Variants in FRMD4A observed in about 807,000 individuals in gnomAD.
The protein encoded by FRMD4A is FERM domain containing 4A, also known as FERM domain-containing protein 4A.
Under a neutral mutation model 129.1 loss-of-function variants are expected in FRMD4A, and 29 were observed. The observed-to-expected ratio is 0.22, with a 90% CI of 0.17 to 0.31. The LOEUF is 0.31. Ranked by LOEUF, FRMD4A falls within the 10% of genes least tolerant of loss-of-function variation. FRMD4A has a pLI of 1.00. For synonymous variants in FRMD4A, 634 were observed against 571.6 expected (o/e 1.11, Z -1.56); for missense variants, 1,272 against 1,375.8 (o/e 0.92, Z 1.19).
rs114340177 is a variant in FRMD4A at position 13,947,721 on chromosome 10, A to C, written c.46-88809T>G. The stretch of plus-strand genomic sequence containing the variant: ...GTTTAATCTGTGCTTCTCCTCCTGC[A>C]TGTCTTGGTAAAGAACATAGATCCT... On this transcript the variant is annotated intron_variant, in intron 2 of 24. Transcript: ENST00000357447. 7.0e-3 allele frequency among the ~76,000 whole-genome samples: 1,069 copies of C among 152,218 alleles called. 14 individuals are homozygous for C. Among genetic ancestry groups the C allele is most frequent in the African/African-American group, 0.024 (999 of 41,530 alleles).
At chr10:13,792,453 A>G (rs1412176903) in intron 5 of FRMD4A, among the ~76,000 whole-genome samples, 1 of 152,148 alleles carries the variant, frequency 6.6e-6, no homozygotes, top group Non-Finnish European at 1.5e-5. Flanking sequence ...GACAGCATGC[A>G]GTAGGGGAGG....
At chr10:13,943,211 A>G (rs746182926) in intron 2 of FRMD4A, among the ~76,000 whole-genome samples, 5 of 152,214 alleles carry the variant, frequency 3.3e-5, no homozygotes, top group Non-Finnish European at 5.9e-5. Flanking sequence ...CTAGGTGGAC[A>G]TCTCCTATTC....
intron 2 of FRMD4A, chr10:13,971,831 G>T (rs1417673040): frequency 5.4e-6 from 7 of 1,303,838 alleles, no homozygotes; most frequent in Non-Finnish European, 7.1e-6. Context: ...CAACCCTCTG[G>T]TCCCTGGCCC....
intron 14 of FRMD4A, among the ~76,000 whole-genome samples, chr10:13,700,821 T>C (rs1035268884): frequency 7.0e-4 from 2 of 2,856 alleles, no homozygotes; most frequent in East Asian, 0.017. Context: ...GGGTAGTTGC[T>C]TTTTTTTTTT....
At chr10:14,115,285 C>T (rs1838141648) in intron 2 of FRMD4A, among the ~76,000 whole-genome samples, 3 of 152,252 alleles carry the variant, frequency 2.0e-5, no homozygotes, top group Admixed American at 2.0e-4. Flanking sequence ...GCAAATCTGG[C>T]TATTCCTTGA....
At chr10:13,935,312 C>T (rs1317890021) in intron 2 of FRMD4A, among the ~76,000 whole-genome samples, 2 of 151,904 alleles carry the variant, frequency 1.3e-5, no homozygotes, top group African/African-American at 4.8e-5. Flanking sequence ...GTGGTGCACA[C>T]CTGCAATCCC....
At chr10:14,166,355 C>G (rs1841176005) in intron 2 of FRMD4A, among the ~76,000 whole-genome samples, 1 of 151,906 alleles carries the variant, frequency 6.6e-6, no homozygotes, top group Non-Finnish European at 1.5e-5. Context: ...CATAATGATA[C>G]AAGAAACTAA....
intron 2 of FRMD4A, among the ~76,000 whole-genome samples, chr10:13,958,369 C>T (rs1420623820): frequency 3.3e-5 from 5 of 149,906 alleles, no homozygotes; most frequent in Admixed American, 6.7e-5. Flanking sequence ...CTGCAAGCTC[C>T]GCCTCCCGGG....
chr10:13,928,716 G>T (rs541813570), intron 2 of FRMD4A, among the ~76,000 whole-genome samples: 31 of 152,304 alleles, frequency 2.0e-4, no homozygotes, highest in Admixed American at 1.9e-3. Flanking sequence ...GGCAGGAGAG[G>T]AGATACTGCT....
rs372420987 is a variant in FRMD4A, at chr10:14,110,125, T to TTAAAAAAAAAAAAAA, written c.45+219932_45+219933insTTTTTTTTTTTTTTA. ...GGCTGGGCAACAAAGCGAGATGCTG[T>TTAAAAAAAAAAAAAA]AAAAAAAAAAAAAAAAAAAAAAGCT... is the stretch of plus-strand genomic sequence containing the variant. On this transcript the variant is annotated intron_variant, in intron 2 of 24. Transcript: ENST00000357447. Among the ~76,000 whole-genome samples the TTAAAAAAAAAAAAAA allele has an allele frequency of 2.2e-3, 200 of 89,530 alleles. 60 individuals are homozygous for TTAAAAAAAAAAAAAA. Among genetic ancestry groups the TTAAAAAAAAAAAAAA allele is most frequent in the African/African-American group, 6.0e-3 (130 of 21,508 alleles). 58.7% of individuals were successfully genotyped at this position (89,530 alleles called of 152,430 possible).
chr10:14,324,905 C>T (rs1843209577), intron 2 of FRMD4A, among the ~76,000 whole-genome samples: 2 of 152,234 alleles, frequency 1.3e-5, no homozygotes, highest in Admixed American at 6.5e-5. Context: ...AGGTGATCTG[C>T]CTGCCTCAGC....
intron 2 of FRMD4A, among the ~76,000 whole-genome samples, chr10:13,935,275 T>TA (rs1203465116): frequency 1.3e-5 from 2 of 151,578 alleles, no homozygotes; most frequent in East Asian, 3.9e-4. Flanking sequence ...CTGTCTCTAC[T>TA]AAAAATACAA....
intron 2 of FRMD4A, among the ~76,000 whole-genome samples, chr10:13,900,001 A>G (rs1212205764): frequency 1.3e-5 from 2 of 152,116 alleles, no homozygotes; most frequent in Non-Finnish European, 2.9e-5. Flanking sequence ...TTCCTTTCAT[A>G]TGTCAAGCAG....
At chr10:13,981,738 CAAAAAAAAAAA>C (rs55829400) in intron 2 of FRMD4A, among the ~76,000 whole-genome samples, 3 of 97,662 alleles carry the variant, frequency 3.1e-5, no homozygotes, top group South Asian at 2.9e-4. Context: ...GACTCCGTGT[CAAAAAAAAAAA>C]AAAAAAAAAA....
intron 15 of FRMD4A, among the ~76,000 whole-genome samples, chr10:13,682,063 T>A (rs1017161685): frequency 2.0e-5 from 3 of 149,600 alleles, no homozygotes; most frequent in South Asian, 4.2e-4. Flanking sequence ...CTACAAAAAT[T>A]AAAAAAAAAA....
At position 14,034,708 on chromosome 10, in the gene FRMD4A, C is replaced by T. The variant is rs117779584; in HGVS notation, c.46-175796G>A. ...TACAAGTCCTTGGTCCAGTTTAGCT[C>T]AAAGAGAGACGGATGTCCAGTGACC... On this transcript the variant is annotated intron_variant, in intron 2 of 24. Transcript: ENST00000357447. Among the ~76,000 whole-genome samples, 784 of 152,304 alleles carry T rather than the reference C, an allele frequency of 5.1e-3. 24 individuals carry two copies. The highest frequency in any genetic ancestry group is 0.036 in the Admixed American group (545 of 15,298).
At chr10:13,676,650 A>C (rs951148122) in intron 15 of FRMD4A, among the ~76,000 whole-genome samples, 3 of 152,140 alleles carry the variant, frequency 2.0e-5, no homozygotes, top group African/African-American at 7.2e-5. Context: ...CTGTGCATTC[A>C]AGGGGCTCAC....
chr10:14,181,492 G>A (rs1017607171), intron 2 of FRMD4A, among the ~76,000 whole-genome samples: 1 of 152,116 alleles, frequency 6.6e-6, no homozygotes, highest in Non-Finnish European at 1.5e-5. Flanking sequence ...GGAAGCAGTT[G>A]GATGTTCCTG....
In FRMD4A at chr10:13,701,412, C is replaced by T. The variant is rs200042373; in HGVS notation, c.903G>A (p.Pro301=). 3.2e-5 allele frequency: 52 copies of T among 1,613,698 alleles called. No individual in the cohort carries two copies. The highest frequency in any genetic ancestry group is 1.8e-4 in the South Asian group (16 of 91,076). ...GIAVHTWYAC[P]ALIKSIWAMA... is the part of the protein sequence containing the mutation. ...TAGCCCAGATGGACTTGATCAATGCCGGACATGCATACCACGTGTGCACTG... is the reference window on the plus strand; with the variant it reads ...TAGCCCAGATGGACTTGATCAATGCTGGACATGCATACCACGTGTGCACTG... The change falls in exon 14 of 25, where the codon CCG becomes CCA. Residue 301 remains proline, a synonymous_variant. Coordinates refer to ENST00000357447, the MANE Select transcript of FRMD4A (RefSeq NM_018027.5).
Sources: gnomAD v4.1 joint callset for allele counts (sites outside exome capture counted in the v4.1 genomes callset) on GRCh38, gnomAD v4.1.1 for gene constraint, MANE v1.5 for transcripts, NCBI Gene and HGNC (gene_info 2026-07-23, HGNC 2026-07-21) for gene names.